The following RABEP1 variants were observed in gnomAD, a reference collection of about 807,000 sequenced individuals.
RABEP1 encodes rab GTPase-binding effector protein 1.
In RABEP1, 51 loss-of-function variants were observed where a neutral mutation model predicts 123.4. The ratio of observed to expected loss-of-function variants is 0.41; its 90% confidence interval spans 0.33 to 0.52. The LOEUF is 0.52. Among genes scored for constraint, RABEP1 ranks in the 20% least tolerant of loss-of-function variants. The probability of loss-of-function intolerance (pLI) is 0.16; values close to 1 mark genes in which losing one functional copy is unlikely to be tolerated. For missense variants in RABEP1, 888 were observed against 996.3 expected, an observed-to-expected ratio of 0.89 and a Z score of 1.46; for synonymous variants, 347 against 355.2, an observed-to-expected ratio of 0.98 and a Z score of 0.26.
In RABEP1 at chr17:5,317,995, A is replaced by G. The variant is rs528683582; in HGVS notation, c.163+9173A>G. 2.0e-5 allele frequency among the ~76,000 whole-genome samples: 3 copies of G among 152,312 alleles called. No homozygotes were observed. In the East Asian group the frequency reaches 5.8e-4, roughly 29 times the overall value. ...GGGTGGTGCCCCAGAGAGGGCGTAG[A>G]AGCTCCATGCTCCTTCCCACGTGCC... On this transcript the variant is annotated intron_variant, in intron 2 of 17. Coordinates refer to ENST00000537505, the MANE Select transcript of RABEP1 (RefSeq NM_004703.6).
In RABEP1 at chr17:5,314,234, C is replaced by CTTTTTTTTTTTTTTTTTTTT. The variant is rs71151864; in HGVS notation, c.163+5419_163+5438dup. Among the ~76,000 whole-genome samples the CTTTTTTTTTTTTTTTTTTTT allele has an allele frequency of 4.1e-4, 23 of 55,584 alleles. 5 individuals carry two copies. Among genetic ancestry groups the CTTTTTTTTTTTTTTTTTTTT allele is most frequent in the Non-Finnish European group, 5.1e-4 (16 of 31,358 alleles). The allele number at this position is 55,584 out of a possible 152,430, so 36.5% of individuals were successfully genotyped here. ...GCCTGTTCTTTTCTTAGTACCTATT[C>CTTTTTTTTTTTTTTTTTTTT]TTTTTTTTTTTTTTTTTTTTTTTTT... On this transcript the variant is annotated intron_variant, in intron 2 of 17. Transcript: ENST00000537505.
intron 2 of RABEP1, among the ~76,000 whole-genome samples, chr17:5,322,481 A>G (rs918805225): frequency 6.6e-6 from 1 of 152,218 alleles, no homozygotes; most frequent in African/African-American, 2.4e-5. Flanking sequence ...CCAAGTACAT[A>G]TAAAACAATT....
intron 13 of RABEP1, among the ~76,000 whole-genome samples, chr17:5,376,550 A>C (rs963310432): frequency 6.6e-6 from 1 of 152,210 alleles, no homozygotes; most frequent in Non-Finnish European, 1.5e-5. Context: ...AAGAAAAATA[A>C]ATTCTATACT....
chr17:5,316,434 A>G lies in RABEP1; in HGVS notation c.163+7612A>G, dbSNP rs1323274247. ...CACTGCATTCCACCGTGGGCGACAG[A>G]GTGAGACTCTGTCTCAAAAAAAAAA... On this transcript the variant is annotated intron_variant, in intron 2 of 17. Coordinates refer to ENST00000537505, the MANE Select transcript of RABEP1 (RefSeq NM_004703.6). 2.7e-5 allele frequency among the ~76,000 whole-genome samples: 3 copies of G among 112,348 alleles called. 1 individual carries two copies. In the Admixed American group the frequency reaches 4.0e-4, roughly 15 times the overall value. The allele number at this position is 112,348 out of a possible 152,430, so 73.7% of individuals were successfully genotyped here.
intron 5 of RABEP1, among the ~76,000 whole-genome samples, chr17:5,342,811 G>A (rs1907728806): frequency 6.6e-6 from 1 of 152,180 alleles, no homozygotes; most frequent in African/African-American, 2.4e-5. Context: ...CAGGACCACA[G>A]TAAAGCTACT....
At chr17:5,285,252 A>G (rs2074966080) in intron 1 of RABEP1, among the ~76,000 whole-genome samples, 1 of 151,506 alleles carries the variant, frequency 6.6e-6, no homozygotes, top group Admixed American at 6.6e-5. Flanking sequence ...TCTAAGTTCA[A>G]CTATATCTTT....
intron 11 of RABEP1, among the ~76,000 whole-genome samples, chr17:5,367,549 G>T (rs371291734): frequency 6.7e-6 from 1 of 150,032 alleles, no homozygotes; most frequent in African/African-American, 2.4e-5. Context: ...GATTACAGGC[G>T]TGAGTCACCG....
chr17:5,370,949 A>G (rs886453842), intron 12 of RABEP1, among the ~76,000 whole-genome samples: 3 of 150,272 alleles, frequency 2.0e-5, no homozygotes, highest in Non-Finnish European at 4.4e-5. Context: ...ATATATAGTT[A>G]GCTCCATTTG....
At chr17:5,363,044 G>A (rs760753207) in intron 10 of RABEP1, 28 bp downstream of exon 10, 6 of 1,533,876 alleles carry the variant, frequency 3.9e-6, no homozygotes, top group Admixed American at 3.3e-5. Context: ...GCGCCAAATT[G>A]GATATTGTCG....
At chr17:5,303,094 T>G (rs556021907) in intron 1 of RABEP1, among the ~76,000 whole-genome samples, 95 of 152,244 alleles carry the variant, frequency 6.2e-4, no homozygotes, top group African/African-American at 2.2e-3. Flanking sequence ...CATTACAGTC[T>G]TTTTTTCTAT....
At chr17:5,293,691 G>A (rs2075054222) in intron 1 of RABEP1, among the ~76,000 whole-genome samples, 3 of 152,162 alleles carry the variant, frequency 2.0e-5, no homozygotes, top group Admixed American at 2.0e-4. Context: ...ACAGGTGTGA[G>A]CCACTGCATC....
In RABEP1 at chr17:5,385,362, G is replaced by A. The variant is rs1002228837; in HGVS notation, c.*2139G>A. 1.7e-5 allele frequency: 4 copies of A among 230,582 alleles called. No homozygotes were observed. The highest frequency in any genetic ancestry group is 2.6e-5 in the Non-Finnish European group (3 of 116,506). The allele number at this position is 230,582 out of a possible 1,614,324, so 14.3% of individuals were successfully genotyped here. On this transcript the variant is annotated 3_prime_UTR_variant, in exon 18 of 18. Transcript: ENST00000537505. ...GTGTTCCTGTGCTTATATTCAGTCT[G>A]TGCCTACATGTTCTCATGCATGTCT...
chr17:5,318,232 C>T (rs1286231048), intron 2 of RABEP1, among the ~76,000 whole-genome samples: 1 of 152,116 alleles, frequency 6.6e-6, no homozygotes, highest in African/African-American at 2.4e-5. Context: ...AAGTGGACTT[C>T]AGTCTTCTTA....
chr17:5,284,272 G>C (rs2074956230), intron 1 of RABEP1, among the ~76,000 whole-genome samples: 1 of 152,034 alleles, frequency 6.6e-6, no homozygotes, highest in Non-Finnish European at 1.5e-5. Flanking sequence ...TTGTATTCTT[G>C]GTATTTTAGT....
At chr17:5,295,218 CT>C (rs1460456991) in intron 1 of RABEP1, among the ~76,000 whole-genome samples, 1 of 151,074 alleles carries the variant, frequency 6.6e-6, no homozygotes, top group Non-Finnish European at 1.5e-5. Context: ...CCCGTCTCTA[CT>C]AAAAAAAAAT....
At chr17:5,328,140 T>C (rs994162851) in intron 2 of RABEP1, among the ~76,000 whole-genome samples, 2 of 152,224 alleles carry the variant, frequency 1.3e-5, no homozygotes, top group Non-Finnish European at 2.9e-5. Context: ...ATGTAACATA[T>C]ACGCACTGTA....
chr17:5,303,952 G>A (rs1260170171), intron 1 of RABEP1, among the ~76,000 whole-genome samples: 2 of 151,292 alleles, frequency 1.3e-5, no homozygotes, highest in East Asian at 3.9e-4. Context: ...AGAATCACTT[G>A]AACCCCAGGA....
Position 5,308,741 on chromosome 17 carries a change from T to G in RABEP1, c.82T>G (p.Phe28Val). The change falls in exon 2 of 18, where the codon TTT (phenylalanine) becomes GTT (valine). Residue 28 changes from phenylalanine (F) to valine (V), a missense_variant. Coordinates refer to ENST00000537505, the MANE Select transcript of RABEP1 (RefSeq NM_004703.6). ...VAELEKINAEFLRAQQQLEQE... is the reference protein window; with the variant it reads ...VAELEKINAEVLRAQQQLEQE... ...AGAATTGGAAAAAATTAATGCAGAA[T>G]TTTTACGTGCACAACAGCAGCTTGA... 1 of 1,612,892 alleles carries G rather than the reference T, an allele frequency of 6.2e-7. No individual in the cohort carries two copies. The highest frequency in any genetic ancestry group is 8.5e-7 in the Non-Finnish European group (1 of 1,179,474).
At chr17:5,352,951 T>G (rs114297918) in intron 7 of RABEP1, among the ~76,000 whole-genome samples, 309 of 152,376 alleles carry the variant, frequency 2.0e-3, no homozygotes, top group African/African-American at 7.1e-3. Context: ...GTATAAATCT[T>G]TATGTCAAGT....
Sources: allele counts gnomAD v4.1 joint callset (sites outside exome capture counted in the v4.1 genomes callset), GRCh38; gene constraint gnomAD v4.1.1; transcripts MANE v1.5; gene names NCBI Gene and HGNC (gene_info 2026-07-23, HGNC 2026-07-21).